The following CEP135 variants were observed in gnomAD, a reference collection of about 807,000 sequenced individuals.
The protein encoded by CEP135 is centrosomal protein 135, also known as centrosomal protein of 135 kDa.
CEP135 carries 142 observed loss-of-function variants against 157.3 expected under a neutral mutation model. That is an observed-to-expected ratio of 0.90 (90% CI 0.79 to 1.04). The LOEUF is 1.04. Among genes scored for constraint, CEP135 ranks in the 50% least tolerant of loss-of-function variants. The pLI is 0.00. For missense variants in CEP135, 1,317 were observed against 1,309.2 expected (o/e 1.01, Z -0.09); for synonymous variants, 396 against 439.8 (o/e 0.90, Z 1.25).
chr4:55,966,900 A>C (rs1728860783), intron 8 of CEP135, among the ~76,000 whole-genome samples: 1 of 152,204 alleles, frequency 6.6e-6, no homozygotes, highest in African/African-American at 2.4e-5. Context: ...TGATATTTCC[A>C]GTCTATTTTA....
At chr4:55,966,595 C>G (rs1217460323) in intron 8 of CEP135, 1 of 152,548 alleles carries the variant, frequency 6.6e-6, no homozygotes, top group Non-Finnish European at 1.5e-5. Flanking sequence ...AGCAATCCTC[C>G]CATCTCAGCC....
At chr4:55,969,229 C>A (rs1365174177) in intron 9 of CEP135, 101 bp downstream of exon 9, 6 of 856,912 alleles carry the variant, frequency 7.0e-6, no homozygotes, top group Non-Finnish European at 1.1e-5. Flanking sequence ...TCGAGACCAT[C>A]CAGCCACATC....
intron 13 of CEP135, among the ~76,000 whole-genome samples, chr4:55,984,914 T>A (rs1729525481): frequency 6.6e-6 from 1 of 152,230 alleles, no homozygotes; most frequent in Non-Finnish European, 1.5e-5. Flanking sequence ...TTTGTTTCTC[T>A]TACATCTCCT....
chr4:55,951,285 C>T (rs1418148116), intron 1 of CEP135, among the ~76,000 whole-genome samples: 1 of 152,034 alleles, frequency 6.6e-6, no homozygotes, highest in African/African-American at 2.4e-5. Context: ...GGGTTATAGT[C>T]CAGAAGTATG....
In CEP135 at chr4:56,011,867, T is replaced by C; in HGVS notation, c.2684T>C (p.Val895Ala). ...MLHNRAEDWE[V>A]KAHQAEGESS... ...CATAACCGTGCTGAAGACTGGGAGG[T>C]CAAAGCCCATCAAGCTGAGGGAGAA... Residue 895 changes from valine (V) to alanine (A), a missense_variant, in exon 21 of 26, where the codon GTC becomes GCC. Val to Ala is a moderately conservative substitution (Grantham distance 64). Transcript: ENST00000257287. The C allele has an allele frequency of 6.2e-7, 1 of 1,607,220 alleles. No homozygotes were observed. Among genetic ancestry groups the C allele is most frequent in the Non-Finnish European group, 8.5e-7 (1 of 1,176,916 alleles).
chr4:55,986,902 GATTAT>G (rs1195129521), intron 14 of CEP135, among the ~76,000 whole-genome samples: 2 of 152,152 alleles, frequency 1.3e-5, no homozygotes, highest in African/African-American at 4.8e-5. Context: ...CCTCATCATG[GATTAT>G]ATTTTCCTGT....
chr4:55,994,026 G>A (rs574385998), intron 15 of CEP135, among the ~76,000 whole-genome samples: 2 of 152,142 alleles, frequency 1.3e-5, no homozygotes, highest in Non-Finnish European at 2.9e-5. Context: ...TTAGGAAAGT[G>A]TATCAATCAT....
intron 25 of CEP135, among the ~76,000 whole-genome samples, chr4:56,028,496 G>A (rs550159998): frequency 1.3e-4 from 19 of 151,710 alleles, no homozygotes; most frequent in South Asian, 2.1e-4. Context: ...AATTTTTGAG[G>A]TATATTAATG....
At chr4:56,009,944 C>T in intron 19 of CEP135, 41 bp downstream of exon 19, 1 of 1,546,500 alleles carries the variant, frequency 6.5e-7, no homozygotes, top group East Asian at 2.3e-5. Context: ...TTTATACTTT[C>T]CATTGTTTGC....
chr4:56,027,475 G>A (rs976526869), intron 25 of CEP135, among the ~76,000 whole-genome samples: 8 of 152,128 alleles, frequency 5.3e-5, no homozygotes, highest in Non-Finnish European at 8.8e-5. Flanking sequence ...ACATCATGTA[G>A]CTCTGGAAAA....
At chr4:55,991,440 T>G (rs182854412) in intron 14 of CEP135, among the ~76,000 whole-genome samples, 4 of 152,192 alleles carry the variant, frequency 2.6e-5, no homozygotes. Context: ...GAAATTTTAG[T>G]GTATTTACAA....
At chr4:55,993,286 CA>C (rs1398250237) in intron 15 of CEP135, among the ~76,000 whole-genome samples, 1 of 152,082 alleles carries the variant, frequency 6.6e-6, no homozygotes, top group East Asian at 1.9e-4. Context: ...ATATAGTAAA[CA>C]GAGCAAATAC....
intron 6 of CEP135, chr4:55,960,235 T>C (rs1311967166): frequency 6.2e-6 from 1 of 161,676 alleles, no homozygotes; most frequent in Non-Finnish European, 1.3e-5. Flanking sequence ...TTTCTACTCT[T>C]ATTATATATT....
rs201397853 is a variant in CEP135 at position 55,985,430 on chromosome 4, CTA to C, written c.1857+74_1857+75del. The C allele has an allele frequency of 4.3e-3, 2,531 of 590,758 alleles. 50 individuals carry two copies. In the African/African-American group the frequency reaches 0.044, roughly 10 times the overall value. The allele number at this position is 590,758 out of a possible 1,614,324, so 36.6% of individuals were successfully genotyped here. Reference sequence around the variant, plus strand: ...CTATGTCAATTACAGTTTTAATACACTATTTTTTAATTTTAATTTTATTTTTA... The same window carrying C: ...CTATGTCAATTACAGTTTTAATACACTTTTTTAATTTTAATTTTATTTTTA... On this transcript the variant is annotated intron_variant, in intron 14 of 25. Transcript: ENST00000257287.
chr4:55,985,382 G>T, intron 14 of CEP135, 24 bp downstream of exon 14: 1 of 1,333,628 alleles, frequency 7.5e-7, no homozygotes, highest in Non-Finnish European at 1.1e-6. Context: ...CTGGATTTGG[G>T]GTATCTTGTG....
chr4:55,966,205 C>CT (rs140248476), intron 8 of CEP135: 11,190 of 186,818 alleles, frequency 0.06, 493 homozygotes, highest in African/African-American at 0.12. Flanking sequence ...CTCAAGAATC[C>CT]TTTTTTTTTG....
At chr4:56,007,929 G>C (rs747803044) in intron 17 of CEP135, among the ~76,000 whole-genome samples, 4 of 152,156 alleles carry the variant, frequency 2.6e-5, no homozygotes, top group Non-Finnish European at 4.4e-5. Flanking sequence ...AAGTCAGCTT[G>C]TGACTACACC....
At chr4:55,984,050 C>A (rs902120436) in intron 13 of CEP135, among the ~76,000 whole-genome samples, 3 of 152,194 alleles carry the variant, frequency 2.0e-5, no homozygotes, top group Non-Finnish European at 2.9e-5. Flanking sequence ...CTGTACTAGC[C>A]TTACCTCTCT....
chr4:56,014,145 G>A (rs1030355023), intron 21 of CEP135, among the ~76,000 whole-genome samples: 1 of 152,182 alleles, frequency 6.6e-6, no homozygotes, highest in Non-Finnish European at 1.5e-5. Flanking sequence ...AATTGTGAGA[G>A]AATAATTTCT....
Sources: allele counts gnomAD v4.1 joint callset (sites outside exome capture counted in the v4.1 genomes callset), GRCh38; gene constraint gnomAD v4.1.1; transcripts MANE v1.5; gene names NCBI Gene and HGNC (gene_info 2026-07-23, HGNC 2026-07-21).